The following GRIP1 variants were observed in gnomAD, a reference collection of about 807,000 sequenced individuals.
GRIP1 encodes the protein glutamate receptor interacting protein 1.
GRIP1 carries 45 observed loss-of-function variants against 129.9 expected under a neutral mutation model. That is an observed-to-expected ratio of 0.35 (90% CI 0.27 to 0.44). The LOEUF (loss-of-function observed/expected upper bound fraction) is 0.44. Among genes scored for constraint, GRIP1 ranks in the 20% least tolerant of loss-of-function variants. The pLI is 1.00. For synonymous variants in GRIP1, 530 were observed against 520.8 expected (o/e 1.02, Z -0.24); for missense variants, 1,196 against 1,396.8 (o/e 0.86, Z 2.29).
At chr12:66,839,061 GAGCATTATCAT>G (rs1264981782) in intron 1 of GRIP1, among the ~76,000 whole-genome samples, 2 of 151,972 alleles carry the variant, frequency 1.3e-5, no homozygotes, top group African/African-American at 4.8e-5. Context: ...CTGCAATACT[GAGCATTATCAT>G]AGCGACTATA....
chr12:66,363,187 G>A (rs12369580), intron 23 of GRIP1, among the ~76,000 whole-genome samples: 1 of 39,442 alleles, frequency 2.5e-5, no homozygotes, highest in Non-Finnish European at 5.2e-5. Flanking sequence ...ATGTATATAT[G>A]TGTGTGTGTG....
In GRIP1 at chr12:66,876,746, G is replaced by A. The variant is rs1276223423; in HGVS notation, c.58+192304C>T. ...AATGTGTCCATTTATGGGAAGGCAG[G>A]ATCACAATGATTGTGGACCACTATT... On this transcript the variant is annotated intron_variant, in intron 1 of 1. Transcript: ENST00000643019. 2.6e-5 allele frequency among the ~76,000 whole-genome samples: 4 copies of A among 152,010 alleles called. No homozygotes were observed. In the East Asian group the frequency reaches 7.7e-4, roughly 29 times the overall value.
At chr12:66,605,052 T>TTCATAC (rs10680379) in intron 1 of GRIP1, among the ~76,000 whole-genome samples, 10 of 106,518 alleles carry the variant, frequency 9.4e-5, no homozygotes, top group African/African-American at 4.2e-4. Flanking sequence ...AGAAGTCACT[T>TTCATAC]ATATATATAT....
At chr12:66,635,383 C>T (rs2031261181) in intron 1 of GRIP1, among the ~76,000 whole-genome samples, 1 of 151,184 alleles carries the variant, frequency 6.6e-6, no homozygotes, top group South Asian at 2.1e-4. Context: ...GTGATCATAC[C>T]ATTGTACTCT....
intron 11 of GRIP1, among the ~76,000 whole-genome samples, chr12:66,452,083 C>T (rs1240058628): frequency 6.6e-6 from 1 of 152,214 alleles, no homozygotes; most frequent in Non-Finnish European, 1.5e-5. Context: ...CTACTCTTTG[C>T]CGCAATTCAG....
intron 7 of GRIP1, among the ~76,000 whole-genome samples, chr12:66,482,670 T>G (rs2059839237): frequency 6.6e-6 from 1 of 152,182 alleles, no homozygotes; most frequent in Non-Finnish European, 1.5e-5. Context: ...AGCCCTGGCT[T>G]TATTCCAAGA....
intron 1 of GRIP1, among the ~76,000 whole-genome samples, chr12:66,731,646 A>G (rs551065647): frequency 1.4e-4 from 21 of 152,344 alleles, no homozygotes; most frequent in African/African-American, 5.0e-4. Context: ...ACTATGGTAG[A>G]CAAGAAAAGA....
chr12:66,554,598 C>T (rs1042410977), intron 2 of GRIP1, among the ~76,000 whole-genome samples: 1 of 152,120 alleles, frequency 6.6e-6, no homozygotes, highest in African/African-American at 2.4e-5. Flanking sequence ...CATTGGGGTT[C>T]CCATTCCAGG....
chr12:66,597,760 T>A lies in GRIP1; in HGVS notation c.56-833A>T, dbSNP rs149270267. 4.6e-3 allele frequency among the ~76,000 whole-genome samples: 704 copies of A among 152,176 alleles called. 9 individuals are homozygous for A. Among genetic ancestry groups the A allele is most frequent in the African/African-American group, 0.016 (673 of 41,526 alleles). ...CCATCCAGCTCTAAGTAAGGTGATT[T>A]TTTTTTAACCTTGAAAAGGATTTTA... On this transcript the variant is annotated intron_variant, in intron 1 of 24. Coordinates refer to ENST00000359742, the MANE Select transcript of GRIP1 (RefSeq NM_001366722.1).
intron 2 of GRIP1, 59 bp from the exon 3 acceptor site, chr12:66,542,009 C>G: frequency 1.3e-6 from 2 of 1,484,346 alleles, no homozygotes; most frequent in Non-Finnish European, 1.9e-6. Context: ...AATGTCATTT[C>G]TCCTCCCCAG....
At chr12:66,629,047 C>T (rs1204259413) in intron 1 of GRIP1, among the ~76,000 whole-genome samples, 1 of 152,200 alleles carries the variant, frequency 6.6e-6, no homozygotes, top group African/African-American at 2.4e-5. Context: ...AAACACAATA[C>T]ACCATTCAGG....
At chr12:66,756,444 C>T (rs1048489897) in intron 1 of GRIP1, among the ~76,000 whole-genome samples, 8 of 152,138 alleles carry the variant, frequency 5.3e-5, no homozygotes, top group Admixed American at 3.3e-4. Context: ...AACTCATTGG[C>T]GCAGTGAACC....
chr12:66,484,337 A>G (rs2059895410), intron 7 of GRIP1, among the ~76,000 whole-genome samples: 1 of 152,226 alleles, frequency 6.6e-6, no homozygotes, highest in African/African-American at 2.4e-5. Context: ...GACCCATGCT[A>G]TAATTCATCC....
chr12:66,950,915 A>C (rs1392759998), intron 1 of GRIP1, among the ~76,000 whole-genome samples: 1 of 152,232 alleles, frequency 6.6e-6, no homozygotes, highest in Admixed American at 6.5e-5. Flanking sequence ...GATGTGTTGC[A>C]ACAAAAGATC....
upstream of GRIP1, among the ~76,000 whole-genome samples, chr12:67,069,335 G>T (rs1241385862): frequency 2.4e-5 from 3 of 124,816 alleles, no homozygotes; most frequent in Admixed American, 7.5e-5. Flanking sequence ...GCGGCGGCCG[G>T]GCCGGGCCGG....
At chr12:67,058,694 C>T (rs1294110022) in intron 1 of GRIP1, among the ~76,000 whole-genome samples, 4 of 152,164 alleles carry the variant, frequency 2.6e-5, no homozygotes, top group South Asian at 2.1e-4. Flanking sequence ...CAGCCTCGAG[C>T]GATGTCATCT....
chr12:66,645,408 T>C (rs996882612), intron 1 of GRIP1, among the ~76,000 whole-genome samples: 4 of 152,188 alleles, frequency 2.6e-5, no homozygotes, highest in African/African-American at 4.8e-5. Context: ...TACAGAATGT[T>C]CTCTCATTCA....
intron 2 of GRIP1, among the ~76,000 whole-genome samples, chr12:66,590,223 C>T (rs1000460716): frequency 4.6e-5 from 7 of 152,196 alleles, no homozygotes; most frequent in African/African-American, 1.7e-4. Flanking sequence ...TATCAAAGCA[C>T]AGTCACCACA....
At chr12:66,865,404 C>T (rs1009762867) in intron 1 of GRIP1, among the ~76,000 whole-genome samples, 3 of 151,510 alleles carry the variant, frequency 2.0e-5, no homozygotes, top group Non-Finnish European at 4.4e-5. Flanking sequence ...ATGAGGAAAA[C>T]GCTTTCCTTA....
Sources: allele counts gnomAD v4.1 joint callset (sites outside exome capture counted in the v4.1 genomes callset), GRCh38; gene constraint gnomAD v4.1.1; transcripts MANE v1.5; gene names NCBI Gene and HGNC (gene_info 2026-07-23, HGNC 2026-07-21).